AFF4: variants seen among roughly 807,000 people sequenced by gnomAD.
AFF4 encodes ALF transcription elongation factor 4.
In AFF4, 13 loss-of-function variants were observed where a neutral mutation model predicts 124.8. That is an observed-to-expected ratio of 0.10 (90% CI 0.07 to 0.17). AFF4 has a LOEUF of 0.17. Among genes scored for constraint, AFF4 ranks in the 10% least tolerant of loss-of-function variants. AFF4 has a pLI of 1.00. For synonymous variants in AFF4, 477 were observed against 496.1 expected, an observed-to-expected ratio of 0.96 and a Z score of 0.51; for missense variants, 1,092 against 1,403.8, an observed-to-expected ratio of 0.78 and a Z score of 3.55.
At chr5:132,909,681 C>G (rs955786882) in intron 5 of AFF4, among the ~76,000 whole-genome samples, 1 of 152,122 alleles carries the variant, frequency 6.6e-6, no homozygotes, top group African/African-American at 2.4e-5. Flanking sequence ...CATTTCATTA[C>G]AGAATATATT....
chr5:132,884,994 T>C (rs892704381), intron 19 of AFF4, 82 bp downstream of exon 19: 3 of 901,118 alleles, frequency 3.3e-6, no homozygotes, highest in African/African-American at 3.4e-5. Context: ...AAAGTAGTCA[T>C]CTTTCCATTT....
At chr5:132,943,029 G>A (rs762101431) in intron 1 of AFF4, 12 of 212,190 alleles carry the variant, frequency 5.7e-5, no homozygotes, top group Admixed American at 1.3e-4. Context: ...AGTTCCCTGC[G>A]GAAACTTGAG....
intron 1 of AFF4, among the ~76,000 whole-genome samples, chr5:132,949,684 C>CCACACACACACA (rs565722171): frequency 1.4e-5 from 2 of 147,826 alleles, no homozygotes; most frequent in Admixed American, 6.8e-5. Flanking sequence ...CCCATGTGTA[C>CCACACACACACA]CACACACACA....
intron 3 of AFF4, among the ~76,000 whole-genome samples, chr5:132,933,463 C>G: frequency 6.6e-6 from 1 of 151,302 alleles, no homozygotes. Context: ...AACCTTAGCA[C>G]TTTGAAGGCC....
chr5:132,959,200 A>C (rs1762026389), intron 1 of AFF4, among the ~76,000 whole-genome samples: 1 of 149,440 alleles, frequency 6.7e-6, no homozygotes. Flanking sequence ...ATCTCAGCTC[A>C]CTGCAACCTC....
chr5:132,937,579 A>G (rs1240160304), intron 1 of AFF4: 1 of 156,344 alleles, frequency 6.4e-6, no homozygotes, highest in South Asian at 1.9e-4. Flanking sequence ...TGCCCTTAGA[A>G]GCATATAACC....
At chr5:132,932,314 G>T in intron 3 of AFF4, 92 bp from the exon 4 acceptor site, 1 of 1,022,958 alleles carries the variant, frequency 9.8e-7, no homozygotes, top group South Asian at 1.5e-5. Context: ...AAGTATTTAT[G>T]ACCCCACTAC....
chr5:132,923,371 GGAGAGAGAGAGAGAGA>G (rs72156570), intron 5 of AFF4, among the ~76,000 whole-genome samples: 1 of 148,362 alleles, frequency 6.7e-6, no homozygotes, highest in Non-Finnish European at 1.5e-5. Flanking sequence ...AGGAAAGAAA[GGAGAGAGAGAGAGAGA>G]GAGAGAGAGA....
intron 17 of AFF4, among the ~76,000 whole-genome samples, chr5:132,886,732 A>T (rs1323903219): frequency 6.6e-6 from 1 of 152,350 alleles, no homozygotes; most frequent in South Asian, 2.1e-4. Flanking sequence ...ATCTAAAATT[A>T]AAAAACAAAA....
intron 1 of AFF4, among the ~76,000 whole-genome samples, chr5:132,957,184 C>CA (rs1334931383): frequency 6.6e-6 from 1 of 150,996 alleles, no homozygotes; most frequent in Non-Finnish European, 1.5e-5. Context: ...TTGCAAAAAC[C>CA]AAAAAATTTA....
intron 5 of AFF4, among the ~76,000 whole-genome samples, chr5:132,910,158 A>C (rs1760760812): frequency 6.6e-6 from 1 of 152,220 alleles, no homozygotes; most frequent in East Asian, 1.9e-4. Context: ...GCAAATATGA[A>C]TCAATCTTTA....
At position 132,963,352 on chromosome 5, in the gene AFF4, G is replaced by GC. The variant is rs1275598869; in HGVS notation, c.-99dup. On this transcript the variant is annotated 5_prime_UTR_variant, in exon 1 of 21. Transcript: ENST00000265343. The stretch of plus-strand genomic sequence containing the variant: ...CTTCACCGGACGCGCATTCGAGCCC[G>GC]CCCAGGGGGCGGTGACAGGCTGCCA... 10 of 397,288 alleles carry GC rather than the reference G, an allele frequency of 2.5e-5. No homozygotes were observed. In the South Asian group the frequency reaches 7.7e-4, roughly 30 times the overall value. 24.6% of individuals were successfully genotyped at this position (397,288 alleles called of 1,614,324 possible).
intron 15 of AFF4, 26 bp downstream of exon 15, chr5:132,888,071 T>A (rs767283060): frequency 4.4e-6 from 7 of 1,607,266 alleles, no homozygotes; most frequent in Non-Finnish European, 6.0e-6. Context: ...ATTAAATACG[T>A]AAGTGTAAGG....
At chr5:132,932,662 T>C (rs1339208546) in intron 3 of AFF4, among the ~76,000 whole-genome samples, 2 of 152,230 alleles carry the variant, frequency 1.3e-5, no homozygotes, top group African/African-American at 2.4e-5. Context: ...CCTTGAGCAG[T>C]AGGACGTAAG....
intron 1 of AFF4, among the ~76,000 whole-genome samples, chr5:132,958,382 C>T (rs754481403): frequency 5.6e-5 from 8 of 142,618 alleles, no homozygotes; most frequent in Non-Finnish European, 9.0e-5. Context: ...ATGAAAATTG[C>T]TTGAGCCTGG....
At chr5:132,897,493 T>C (rs1233731092) in intron 10 of AFF4, among the ~76,000 whole-genome samples, 4 of 152,114 alleles carry the variant, frequency 2.6e-5, no homozygotes, top group Non-Finnish European at 5.9e-5. Context: ...GGGCGGATCA[T>C]GAGATCAGGA....
intron 20 of AFF4, among the ~76,000 whole-genome samples, chr5:132,882,488 A>G (rs1461418392): frequency 6.6e-6 from 1 of 152,202 alleles, no homozygotes; most frequent in Non-Finnish European, 1.5e-5. Context: ...AGACTTTATA[A>G]TTCTCCATGT....
chr5:132,959,165 T>C (rs1289752990), intron 1 of AFF4, among the ~76,000 whole-genome samples: 2 of 151,372 alleles, frequency 1.3e-5, no homozygotes, highest in Non-Finnish European at 2.9e-5. Flanking sequence ...CTTGCTGTGT[T>C]GCCAGGCTGG....
chr5:132,896,799 G>A lies in AFF4; in HGVS notation c.1831C>T (p.Pro611Ser), dbSNP rs1452058602. ...GACTTAGACTCCTTCTTTATATTGGGTTTCCTTGAGCCTTTGGTGGCTGCT... is the reference window on the plus strand; with the variant it reads ...GACTTAGACTCCTTCTTTATATTGGATTTCCTTGAGCCTTTGGTGGCTGCT... ...HKAATKGSRK[P>S]NIKKESKSSP... is the part of the protein sequence containing the mutation. The change falls in exon 11 of 21, where the codon CCC (proline) becomes TCC (serine). Residue 611 changes from proline (P) to serine (S), a missense_variant. Physicochemically the swap from Pro to Ser is moderately conservative, Grantham distance 74. Transcript: ENST00000265343. 3.1e-6 allele frequency: 5 copies of A among 1,614,060 alleles called. No individual in the cohort carries two copies. The highest frequency in any genetic ancestry group is 4.2e-6 in the Non-Finnish European group (5 of 1,180,004).
Sources: gnomAD v4.1 joint callset for allele counts (sites outside exome capture counted in the v4.1 genomes callset) on GRCh38, gnomAD v4.1.1 for gene constraint, MANE v1.5 for transcripts, NCBI Gene and HGNC (gene_info 2026-07-23, HGNC 2026-07-21) for gene names.